PPFIBP2: variants seen among roughly 807,000 people sequenced by gnomAD.
PPFIBP2 encodes the protein liprin-beta-2.
In PPFIBP2, 118 loss-of-function variants were observed where a neutral mutation model predicts 118.3. That is an observed-to-expected ratio of 1.00 (90% CI 0.86 to 1.16). PPFIBP2 has a LOEUF of 1.16. PPFIBP2 is among the 50% of genes most tolerant of loss of function. The pLI is 0.00. For missense variants in PPFIBP2, 1,195 were observed against 1,073.1 expected, an observed-to-expected ratio of 1.11 and a Z score of -1.59; for synonymous variants, 414 against 397.4, an observed-to-expected ratio of 1.04 and a Z score of -0.50.
rs1554993596 is a variant in PPFIBP2, at chr11:7,649,185, C to G, written c.1948C>G (p.Gln650Glu). The change falls in exon 20 of 24, where the codon CAG becomes GAG. Residue 650 changes from glutamine (Q) to glutamate (E), a missense_variant. Gln to Glu is a conservative substitution (Grantham distance 29). Transcript: ENST00000299492. ...DDIGLPQYKD[Q>E]FHESRVDRRM... ...TATTGGCTTACCCCAGTACAAAGAC[C>G]AGTTTCATGAATCTAGAGTTGACAG... 1 of 1,613,970 alleles carries G rather than the reference C, an allele frequency of 6.2e-7. No individual in the cohort carries two copies. Among genetic ancestry groups the G allele is most frequent in the Non-Finnish European group, 8.5e-7 (1 of 1,179,984 alleles).
At chr11:7,579,914 A>G (rs558758326) in intron 3 of PPFIBP2, among the ~76,000 whole-genome samples, 2 of 151,964 alleles carry the variant, frequency 1.3e-5, no homozygotes, top group African/African-American at 4.8e-5. Flanking sequence ...ACTATTCTCT[A>G]CCCTAAACAC....
intron 2 of PPFIBP2, among the ~76,000 whole-genome samples, chr11:7,552,433 T>A (rs1853098595): frequency 6.6e-6 from 1 of 152,236 alleles, no homozygotes; most frequent in Non-Finnish European, 1.5e-5. Flanking sequence ...CTGAGTTTTG[T>A]GGTTTTCATT....
chr11:7,562,937 ATATATATATATATATATATATAT>A (rs1854478645), intron 2 of PPFIBP2, among the ~76,000 whole-genome samples: 1 of 22,684 alleles, frequency 4.4e-5, no homozygotes, highest in Non-Finnish European at 8.3e-5. Context: ...TTTTATATAT[ATATATATATATATATATATATAT>A]ATATATATAT....
intron 1 of PPFIBP2, among the ~76,000 whole-genome samples, chr11:7,537,656 C>G (rs1233983025): frequency 6.6e-6 from 1 of 152,088 alleles, no homozygotes; most frequent in Admixed American, 6.5e-5. Context: ...CTCTAAGTGG[C>G]TACGGTGGGC....
intron 3 of PPFIBP2, among the ~76,000 whole-genome samples, chr11:7,583,196 G>A (rs1836130076): frequency 6.6e-6 from 1 of 152,100 alleles, no homozygotes; most frequent in Admixed American, 6.5e-5. Flanking sequence ...TAGTTCCCAG[G>A]CAATCTTCCC....
intron 3 of PPFIBP2, among the ~76,000 whole-genome samples, chr11:7,570,587 C>G (rs1029766174): frequency 2.0e-5 from 3 of 152,094 alleles, no homozygotes; most frequent in African/African-American, 2.4e-5. Context: ...GCAGAGAACC[C>G]ACAGAAGGGC....
chr11:7,665,952 C>T, the PPFIBP2 span: 16 of 1,530,768 alleles, frequency 1.0e-5, no homozygotes, highest in Admixed American at 3.1e-4. Context: ...GTATGACAAG[C>T]AGGTACAGCC....
chr11:7,642,046 C>A, intron 16 of PPFIBP2: 1 of 463,366 alleles, frequency 2.2e-6, no homozygotes, highest in South Asian at 3.5e-5. Context: ...CTGGGGCCTC[C>A]TACAAGGCAT....
At chr11:7,521,500 A>G (rs972702861) in intron 1 of PPFIBP2, among the ~76,000 whole-genome samples, 2 of 152,200 alleles carry the variant, frequency 1.3e-5, no homozygotes, top group African/African-American at 4.8e-5. Flanking sequence ...TTTTGTCTCT[A>G]TTCTGCAAGA....
chr11:7,519,127 T>A (rs185923171), intron 1 of PPFIBP2, among the ~76,000 whole-genome samples: 4 of 151,988 alleles, frequency 2.6e-5, no homozygotes, highest in Non-Finnish European at 5.9e-5. Context: ...AGATGGCAGC[T>A]GAGAAGATGG....
At chr11:7,526,386 ACT>A (rs1383184128) in intron 1 of PPFIBP2, among the ~76,000 whole-genome samples, 2 of 152,102 alleles carry the variant, frequency 1.3e-5, no homozygotes, top group African/African-American at 2.4e-5. Context: ...GCTTAGCTAG[ACT>A]CTTCCCATTA....
chr11:7,589,978 AC>A (rs1355049046), intron 3 of PPFIBP2, among the ~76,000 whole-genome samples: 3 of 134,624 alleles, frequency 2.2e-5, no homozygotes, highest in African/African-American at 7.7e-5. Flanking sequence ...TTTGATAACC[AC>A]AAAGCTTATT....
chr11:7,632,038 G>A (rs1850828232), intron 11 of PPFIBP2, among the ~76,000 whole-genome samples: 1 of 152,244 alleles, frequency 6.6e-6, no homozygotes, highest in Admixed American at 6.5e-5. Context: ...ATTAGCTCAA[G>A]GTGGCTCCGC....
intron 5 of PPFIBP2, among the ~76,000 whole-genome samples, chr11:7,608,730 C>T (rs1847710235): frequency 6.6e-6 from 1 of 152,238 alleles, no homozygotes; most frequent in South Asian, 2.1e-4. Flanking sequence ...CTCTCTTGGC[C>T]TGTTTCCTCA....
At chr11:7,585,372 C>T (rs1421930536) in intron 3 of PPFIBP2, among the ~76,000 whole-genome samples, 3 of 152,186 alleles carry the variant, frequency 2.0e-5, no homozygotes, top group Non-Finnish European at 4.4e-5. Context: ...TTTTCCCACA[C>T]TCCTTACTTG....
Position 7,616,493 on chromosome 11 carries a change from G to A in PPFIBP2, c.619-4442G>A, listed in dbSNP as rs547503365. Among the ~76,000 whole-genome samples the A allele has an allele frequency of 1.3e-5, 2 of 152,316 alleles. No homozygotes were observed. The highest frequency in any genetic ancestry group is 2.1e-4 in the South Asian group (1 of 4,818). ...TCAGATTGGCCTTATCGGTTTGGCC[G>A]GGAATGTGTCGTGTGGTAGACCAGG... On this transcript the variant is annotated intron_variant, in intron 6 of 23. Coordinates refer to ENST00000299492, the MANE Select transcript of PPFIBP2 (RefSeq NM_003621.5). The surrounding 1 kb of genome is among the most constrained non-coding windows in gnomAD (Gnocchi z 5.2).
At chr11:7,563,505 A>G (rs965958335) in intron 2 of PPFIBP2, among the ~76,000 whole-genome samples, 5 of 152,162 alleles carry the variant, frequency 3.3e-5, no homozygotes, top group South Asian at 2.1e-4. Flanking sequence ...CAAACTGGCA[A>G]TCAAATGGTA....
At chr11:7,548,493 T>A (rs1373296137) in intron 1 of PPFIBP2, 2 of 152,234 alleles carry the variant, frequency 1.3e-5, no homozygotes, top group Non-Finnish European at 2.9e-5. Flanking sequence ...TCCTCCAGTT[T>A]ACAGACGTGA....
intron 3 of PPFIBP2, chr11:7,569,094 C>T (rs1268618231): frequency 6.6e-6 from 1 of 152,136 alleles, no homozygotes; most frequent in Non-Finnish European, 1.5e-5. Context: ...GAGGAGTGGT[C>T]CATAGTTAGA....
Sources: gnomAD v4.1 joint callset for allele counts (sites outside exome capture counted in the v4.1 genomes callset) on GRCh38, gnomAD v4.1.1 for gene constraint, Gnocchi (gnomAD v3.1) non-coding constraint, MANE v1.5 for transcripts, NCBI Gene and HGNC (gene_info 2026-07-23, HGNC 2026-07-21) for gene names.